GPR149: variants seen among roughly 807,000 people sequenced by gnomAD.
GPR149 encodes probable G protein-coupled receptor 149.
GPR149 carries 50 observed loss-of-function variants against 50.2 expected under a neutral mutation model. The observed-to-expected ratio is 1.00, with a 90% CI of 0.79 to 1.26. The LOEUF (loss-of-function observed/expected upper bound fraction) is 1.26, where lower values mean the gene tolerates loss of function less well. GPR149 is among the 50% of genes most tolerant of loss of function. GPR149 has a pLI of 0.00. For missense variants in GPR149, 983 were observed against 895.4 expected, an observed-to-expected ratio of 1.10 and a Z score of -1.25; for synonymous variants, 405 against 358.2, an observed-to-expected ratio of 1.13 and a Z score of -1.48.
chr3:154,392,868 C>A (rs1219522907), intron 3 of GPR149, among the ~76,000 whole-genome samples: 1 of 151,842 alleles, frequency 6.6e-6, no homozygotes, highest in Non-Finnish European at 1.5e-5. Context: ...TACAACCTAC[C>A]AAGGTTGAGT....
At chr3:154,379,826 T>A (rs1714874493) in intron 3 of GPR149, among the ~76,000 whole-genome samples, 1 of 152,156 alleles carries the variant, frequency 6.6e-6, no homozygotes, top group African/African-American at 2.4e-5. Flanking sequence ...TGAACTGTCA[T>A]AATTACTGTG....
intron 3 of GPR149, among the ~76,000 whole-genome samples, chr3:154,372,018 AG>A (rs966811457): frequency 1.4e-5 from 2 of 145,904 alleles, no homozygotes; most frequent in African/African-American, 5.1e-5. Flanking sequence ...TAGCCTAAAA[AG>A]TTCCCCTCTG....
intron 3 of GPR149, among the ~76,000 whole-genome samples, chr3:154,380,663 C>T (rs969646705): frequency 6.6e-6 from 1 of 151,938 alleles, no homozygotes; most frequent in African/African-American, 2.4e-5. Flanking sequence ...TTCAAACTGC[C>T]AATATCCAAC....
At chr3:154,405,357 G>C (rs917475062) in intron 3 of GPR149, among the ~76,000 whole-genome samples, 4 of 152,122 alleles carry the variant, frequency 2.6e-5, no homozygotes, top group African/African-American at 7.2e-5. Context: ...GGGAGGCCAA[G>C]GTGGGTGGAT....
rs1212511974 is a variant in GPR149 at position 154,398,977 on chromosome 3, A to G, written c.1623+22062T>C. On this transcript the variant is annotated intron_variant, in intron 3 of 3. Transcript: ENST00000389740. ...GAAGGACTCTAATTAAAATTGGAAC[A>G]CTTTTTCCCTCATTATGTTATAACT... is the stretch of plus-strand genomic sequence containing the variant. Among the ~76,000 whole-genome samples the G allele has an allele frequency of 2.0e-5, 3 of 152,182 alleles. No individual in the cohort carries two copies. In the East Asian group the frequency reaches 5.8e-4, roughly 29 times the overall value.
chr3:154,419,794 G>T (rs1038693766), intron 3 of GPR149, among the ~76,000 whole-genome samples: 8 of 151,982 alleles, frequency 5.3e-5, no homozygotes, highest in Non-Finnish European at 7.4e-5. Flanking sequence ...GAGCAAATTG[G>T]CGATGAAAGT....
At chr3:154,383,774 G>A (rs1031619765) in intron 3 of GPR149, among the ~76,000 whole-genome samples, 1 of 152,024 alleles carries the variant, frequency 6.6e-6, no homozygotes, top group Non-Finnish European at 1.5e-5. Flanking sequence ...GGTATTGGGG[G>A]ACATTTTAAG....
rs560132720 is a variant in GPR149, at chr3:154,351,332, A to T, written c.1624-13061T>A. 1.4e-4 allele frequency among the ~76,000 whole-genome samples: 21 copies of T among 150,524 alleles called. 1 individual carries two copies. The East Asian group carries it at 3.7e-3, about 26-fold the overall frequency. On this transcript the variant is annotated intron_variant, in intron 3 of 3. Transcript: ENST00000389740. ...CACATACAAAAAAAAAAAAAAAAAA[A>T]AAAAAAAAAAAAATAACCAGCTACA...
chr3:154,374,012 A>G (rs72998681), intron 3 of GPR149, among the ~76,000 whole-genome samples: 3,155 of 152,242 alleles, frequency 0.021, 96 homozygotes, highest in African/African-American at 0.072. Context: ...CAAAACAACA[A>G]AAACAGCCAC....
At chr3:154,354,515 C>G (rs1714169628) in intron 3 of GPR149, among the ~76,000 whole-genome samples, 1 of 152,056 alleles carries the variant, frequency 6.6e-6, no homozygotes, top group Non-Finnish European at 1.5e-5. Context: ...TTTACCTGTG[C>G]ATTTTCCAGC....
intron 3 of GPR149, among the ~76,000 whole-genome samples, chr3:154,355,469 A>G (rs1205573692): frequency 6.6e-6 from 1 of 152,202 alleles, no homozygotes; most frequent in Non-Finnish European, 1.5e-5. Context: ...TTCTCTTGGG[A>G]TTATTAGACA....
chr3:154,394,976 C>A (rs1715256251), intron 3 of GPR149, among the ~76,000 whole-genome samples: 1 of 152,088 alleles, frequency 6.6e-6, no homozygotes, highest in Admixed American at 6.6e-5. Flanking sequence ...CTCCTCCCTT[C>A]TTTATTTATA....
chr3:154,424,527 A>C (rs916757480), intron 2 of GPR149, among the ~76,000 whole-genome samples: 2 of 151,844 alleles, frequency 1.3e-5, no homozygotes, highest in Non-Finnish European at 2.9e-5. Context: ...TATATCACTA[A>C]AAAAATACAT....
At chr3:154,373,502 T>C (rs1415400710) in intron 3 of GPR149, among the ~76,000 whole-genome samples, 1 of 152,208 alleles carries the variant, frequency 6.6e-6, no homozygotes, top group Non-Finnish European at 1.5e-5. Context: ...AGTACTTTAA[T>C]TAAATAGCCT....
chr3:154,358,055 C>T (rs999507809), intron 3 of GPR149, among the ~76,000 whole-genome samples: 3 of 151,746 alleles, frequency 2.0e-5, no homozygotes, highest in African/African-American at 4.9e-5. Flanking sequence ...AAACCAAACA[C>T]TGCATGTTCT....
chr3:154,366,969 C>A (rs1714545273), intron 3 of GPR149, among the ~76,000 whole-genome samples: 1 of 152,128 alleles, frequency 6.6e-6, no homozygotes, highest in South Asian at 2.1e-4. Context: ...CATCTTAGTT[C>A]ATTTGTGCTG....
chr3:154,356,845 T>C (rs1714242115), intron 3 of GPR149, among the ~76,000 whole-genome samples: 2 of 152,088 alleles, frequency 1.3e-5, no homozygotes, highest in African/African-American at 4.8e-5. Context: ...AAAGTTCATA[T>C]GGAACCAAAA....
chr3:154,398,307 G>A (rs1179015263), intron 3 of GPR149, among the ~76,000 whole-genome samples: 1 of 152,126 alleles, frequency 6.6e-6, no homozygotes, highest in Non-Finnish European at 1.5e-5. Flanking sequence ...TAGGGAAACC[G>A]CCTTTCCTCT....
chr3:154,385,787 C>T (rs764962824), intron 3 of GPR149, among the ~76,000 whole-genome samples: 1 of 151,586 alleles, frequency 6.6e-6, no homozygotes, highest in Non-Finnish European at 1.5e-5. Context: ...TTGCAAGCTC[C>T]ACCTTCCGGG....
Sources: gnomAD v4.1 joint callset for allele counts (sites outside exome capture counted in the v4.1 genomes callset) on GRCh38, gnomAD v4.1.1 for gene constraint, MANE v1.5 for transcripts, NCBI Gene and HGNC (gene_info 2026-07-23, HGNC 2026-07-21) for gene names.